Variants in GRIN2B observed in about 807,000 individuals in gnomAD.
GRIN2B encodes glutamate ionotropic receptor NMDA type subunit 2B, also known as glutamate receptor ionotropic, NMDA 2B.
In GRIN2B, 5 loss-of-function variants were observed where a neutral mutation model predicts 114.5. The ratio of observed to expected loss-of-function variants is 0.04; its 90% CI spans 0.02 to 0.09. The LOEUF is 0.09. Among genes scored for constraint, GRIN2B ranks in the 10% least tolerant of loss-of-function variants. GRIN2B has a pLI of 1.00. For missense variants in GRIN2B, 1,108 were observed against 1,943.5 expected, an observed-to-expected ratio of 0.57 and a Z score of 8.08; for synonymous variants, 787 against 745.1, an observed-to-expected ratio of 1.06 and a Z score of -0.92.
At chr12:13,610,331 C>T (rs1017313356) in intron 9 of GRIN2B, among the ~76,000 whole-genome samples, 3 of 152,192 alleles carry the variant, frequency 2.0e-5, no homozygotes, top group African/African-American at 7.2e-5. Context: ...ATTGTAAGCC[C>T]TCGCTCTGAG....
intron 2 of GRIN2B, among the ~76,000 whole-genome samples, chr12:13,920,651 G>A (rs1272568638): frequency 6.6e-5 from 10 of 152,152 alleles, no homozygotes; most frequent in Non-Finnish European, 1.5e-4. Context: ...AAGAGAAAAA[G>A]AAGCTGCTAT....
At chr12:13,746,871 G>T (rs1038066972) in intron 4 of GRIN2B, among the ~76,000 whole-genome samples, 18 of 152,046 alleles carry the variant, frequency 1.2e-4, no homozygotes, top group African/African-American at 4.3e-4. Context: ...TGACATGCCG[G>T]CCCCCCTCCA....
Position 13,549,723 on chromosome 12 carries a change from A to G in GRIN2B, c.*13060T>C, listed in dbSNP as rs1948387169. On this transcript the variant is annotated 3_prime_UTR_variant, in exon 14 of 14. Transcript: ENST00000609686. ...TTTTAATAATAAAAAATTATTCACA[A>G]TATCTTACCCTATAGAATTCAAAAA... The G allele has an allele frequency of 6.6e-6, 1 of 152,172 alleles. No individual in the cohort carries two copies. The highest frequency in any genetic ancestry group is 2.1e-4 in the South Asian group (1 of 4,824). The allele number at this position is 152,172 out of a possible 1,614,324, so 9.4% of individuals were successfully genotyped here. A position where few individuals can be genotyped will look rare whatever the true frequency, so the allele number is the denominator to read the frequency against.
chr12:13,656,535 C>T (rs1949865833), intron 5 of GRIN2B, among the ~76,000 whole-genome samples: 1 of 152,168 alleles, frequency 6.6e-6, no homozygotes. Context: ...TCGCAAGGTT[C>T]TGAAGAAATC....
intron 5 of GRIN2B, among the ~76,000 whole-genome samples, chr12:13,633,233 C>T (rs1949632433): frequency 6.6e-6 from 1 of 152,184 alleles, no homozygotes; most frequent in South Asian, 2.1e-4. Flanking sequence ...CAAAGTGTGG[C>T]CCCAAGACCG....
At chr12:13,605,366 A>G (rs935144732) in intron 10 of GRIN2B, among the ~76,000 whole-genome samples, 2 of 152,056 alleles carry the variant, frequency 1.3e-5, no homozygotes, top group Non-Finnish European at 2.9e-5. Context: ...AAAGTGGGGA[A>G]AAAAGCCTCC....
chr12:13,650,420 C>T (rs1316787544), intron 5 of GRIN2B, among the ~76,000 whole-genome samples: 1 of 152,038 alleles, frequency 6.6e-6, no homozygotes, highest in Non-Finnish European at 1.5e-5. Context: ...TTCTCTCACT[C>T]ACTTACAATT....
At chr12:13,977,295 G>T (rs1360625711) in intron 2 of GRIN2B, 1 of 152,108 alleles carries the variant, frequency 6.6e-6, no homozygotes, top group African/African-American at 2.4e-5. Flanking sequence ...AACGGGAGAG[G>T]AAAAATTAGA....
chr12:13,874,832 A>G (rs1865970393), intron 2 of GRIN2B, among the ~76,000 whole-genome samples: 2 of 152,180 alleles, frequency 1.3e-5, no homozygotes. Context: ...AGTCAAAGGA[A>G]GATACTGGAA....
Position 13,538,334 on chromosome 12 carries a change from G to C in GRIN2B, c.*24449C>G, listed in dbSNP as rs1457232730. 2.6e-5 allele frequency: 4 copies of C among 152,220 alleles called. No homozygotes were observed. Among genetic ancestry groups the C allele is most frequent in the Non-Finnish European group, 5.9e-5 (4 of 68,060 alleles). 9.4% of individuals were successfully genotyped at this position (152,220 alleles called of 1,614,324 possible). Reference sequence around the variant, plus strand: ...GAGCTAATCCATTTAAGAGATTCCAGGTGTGGGTGAGGCAGGCTGTATAAA... The same window carrying C: ...GAGCTAATCCATTTAAGAGATTCCACGTGTGGGTGAGGCAGGCTGTATAAA... On this transcript the variant is annotated 3_prime_UTR_variant, in exon 14 of 14. Coordinates refer to ENST00000609686, the MANE Select transcript of GRIN2B (RefSeq NM_000834.5).
chr12:13,634,167 T>C (rs1243846860), intron 5 of GRIN2B: 1 of 152,208 alleles, frequency 6.6e-6, no homozygotes, highest in Non-Finnish European at 1.5e-5. Context: ...ACTAATTATG[T>C]GTCCTGTGCC....
chr12:13,669,106 C>T (rs1360874808), intron 5 of GRIN2B, among the ~76,000 whole-genome samples: 1 of 151,880 alleles, frequency 6.6e-6, no homozygotes, highest in East Asian at 2.0e-4. Flanking sequence ...GAGACAAGGA[C>T]ATATACAATT....
intron 2 of GRIN2B, among the ~76,000 whole-genome samples, chr12:13,916,735 A>ACACACACAAATG (rs59238170): frequency 9.8e-6 from 1 of 101,904 alleles, no homozygotes; most frequent in Non-Finnish European, 2.1e-5. Flanking sequence ...ACACACACAC[A>ACACACACAAATG]TTTGTGTGTG....
chr12:13,942,749 T>A (rs1024548390), intron 2 of GRIN2B, among the ~76,000 whole-genome samples: 1 of 152,180 alleles, frequency 6.6e-6, no homozygotes, highest in Non-Finnish European at 1.5e-5. Flanking sequence ...TAGAATACAG[T>A]ATCTTTCAGT....
chr12:13,578,669 G>A (rs9630251), intron 10 of GRIN2B, among the ~76,000 whole-genome samples: 41 of 152,192 alleles, frequency 2.7e-4, no homozygotes, highest in African/African-American at 9.4e-4. Context: ...AAGCCACTAA[G>A]TGTTGGGCTA....
At chr12:13,622,177 G>A (rs1949524527) in intron 5 of GRIN2B, among the ~76,000 whole-genome samples, 1 of 152,178 alleles carries the variant, frequency 6.6e-6, no homozygotes, top group Non-Finnish European at 1.5e-5. Flanking sequence ...AGGCGTCAAA[G>A]GTTATTTTTC....
At chr12:13,976,085 C>G (rs1863013157) in intron 2 of GRIN2B, among the ~76,000 whole-genome samples, 1 of 152,256 alleles carries the variant, frequency 6.6e-6, no homozygotes, top group African/African-American at 2.4e-5. Flanking sequence ...GCACCATTAA[C>G]AGCCGCAGGT....
At chr12:13,954,020 C>T (rs2136851931) in intron 2 of GRIN2B, among the ~76,000 whole-genome samples, 1 of 152,228 alleles carries the variant, frequency 6.6e-6, no homozygotes, top group South Asian at 2.1e-4. Flanking sequence ...GTTTCAAAAC[C>T]TTGGAATGGG....
intron 5 of GRIN2B, among the ~76,000 whole-genome samples, chr12:13,635,199 G>A (rs948784460): frequency 6.6e-6 from 1 of 152,172 alleles, no homozygotes; most frequent in African/African-American, 2.4e-5. Flanking sequence ...ATGCTGAGAG[G>A]AGGCTGAGAA....
Sources: gnomAD v4.1 joint callset for allele counts (sites outside exome capture counted in the v4.1 genomes callset) on GRCh38, gnomAD v4.1.1 for gene constraint, MANE v1.5 for transcripts, NCBI Gene and HGNC (gene_info 2026-07-23, HGNC 2026-07-21) for gene names.